U2AF2: variants seen among roughly 807,000 people sequenced by gnomAD.
The protein encoded by U2AF2 is U2 small nuclear RNA auxiliary factor 2, also known as splicing factor U2AF 65 kDa subunit.
Under a neutral mutation model 52.6 loss-of-function variants are expected in U2AF2, and 6 were observed. That is an observed-to-expected ratio of 0.11 (90% confidence interval 0.06 to 0.23). The LOEUF is 0.23. Ranked by LOEUF, U2AF2 falls within the 10% of genes least tolerant of loss-of-function variation. The pLI is 1.00. For missense variants in U2AF2, 222 were observed against 677.1 expected (o/e 0.33, Z 7.46); for synonymous variants, 284 against 258.2 (o/e 1.10, Z -0.96).
At chr19:55,669,784 C>G in intron 11 of U2AF2, 92 bp downstream of exon 11, 1 of 1,456,832 alleles carries the variant, frequency 6.9e-7, no homozygotes. Context: ...TCACCCTCTC[C>G]CCCTCCTCTT....
At chr19:55,673,099 G>T (rs1457573048) in intron 11 of U2AF2, among the ~76,000 whole-genome samples, 1 of 151,534 alleles carries the variant, frequency 6.6e-6, no homozygotes, top group Non-Finnish European at 1.5e-5. Flanking sequence ...TTGTATTTTT[G>T]GTAGAGATGG....
rs541411274 is a variant in U2AF2, at chr19:55,668,176, C to T, written c.743-331C>T. 3.9e-5 allele frequency among the ~76,000 whole-genome samples: 6 copies of T among 152,224 alleles called. No individual in the cohort carries two copies. In the East Asian group the frequency reaches 1.2e-3, roughly 29 times the overall value. On this transcript the variant is annotated intron_variant, in intron 7 of 11. Transcript: ENST00000308924. The surrounding 1 kb of genome is among the most constrained non-coding windows in gnomAD (Gnocchi z 5.5). Reference sequence around the variant, plus strand: ...CCAGTAGGTCCCGAGCCCAGGTGACCTGCCAGCATTCCACAGCAGCAGGTA... The same window carrying T: ...CCAGTAGGTCCCGAGCCCAGGTGACTTGCCAGCATTCCACAGCAGCAGGTA...
intron 2 of U2AF2, 98 bp from the exon 3 acceptor site, chr19:55,660,079 C>T (rs558568211): frequency 2.6e-5 from 32 of 1,232,108 alleles, no homozygotes; most frequent in African/African-American, 2.6e-4. Context: ...CGGCCCTGCT[C>T]CCACCCTGGG....
chr19:55,674,150 G>T lies in U2AF2; in HGVS notation c.*82G>T, dbSNP rs918152670. 2 of 1,380,442 alleles carry T rather than the reference G, an allele frequency of 1.4e-6. No individual in the cohort carries two copies. The highest frequency in any genetic ancestry group is 1.9e-6 in the Non-Finnish European group (2 of 1,051,990). 85.5% of individuals were successfully genotyped at this position (1,380,442 alleles called of 1,614,324 possible). A position where few individuals can be genotyped will look rare whatever the true frequency, so the allele number is the denominator to read the frequency against. ...CCCCCCCTTATCCCCCTCTGAAGAC[G>T]ATGGGCAGAGGAGTGACAGCCGCAG... On this transcript the variant is annotated 3_prime_UTR_variant, in exon 12 of 12. Coordinates refer to ENST00000308924, the MANE Select transcript of U2AF2 (RefSeq NM_007279.3).
rs1327322503 is a variant in U2AF2 at position 55,668,871 on chromosome 19, T to A, written c.945+79T>A. The A allele has an allele frequency of 6.4e-7, 1 of 1,557,732 alleles. No homozygotes were observed. The stretch of plus-strand genomic sequence containing the variant: ...GTTGCCAAGCCATGGTCTCCCCTCC[T>A]CAGGGGACGGGGCGGGAGGCGGCCA... On this transcript the variant is annotated intron_variant, in intron 9 of 11. Coordinates refer to ENST00000308924, the MANE Select transcript of U2AF2 (RefSeq NM_007279.3). The surrounding 1 kb of genome is among the most constrained non-coding windows in gnomAD (Gnocchi z 5.5).
chr19:55,664,113 G>T (rs545665931), intron 7 of U2AF2: 2 of 211,612 alleles, frequency 9.5e-6, no homozygotes, highest in South Asian at 9.9e-5. Flanking sequence ...GTCGACGGTT[G>T]GCAGCAAAGC....
At chr19:55,662,160 T>C in intron 5 of U2AF2, 1 of 205,714 alleles carries the variant, frequency 4.9e-6, no homozygotes, top group South Asian at 1.1e-4. Flanking sequence ...TTCGTGTTTT[T>C]CTTCATTTTG....
chr19:55,666,186 C>T (rs1984539929), intron 7 of U2AF2, among the ~76,000 whole-genome samples: 1 of 152,230 alleles, frequency 6.6e-6, no homozygotes, highest in Non-Finnish European at 1.5e-5. Context: ...CAGGCGCCCC[C>T]TGCACCAAGA....
intron 7 of U2AF2, among the ~76,000 whole-genome samples, chr19:55,666,631 G>A (rs1410192668): frequency 6.6e-6 from 1 of 152,248 alleles, no homozygotes; most frequent in African/African-American, 2.4e-5. Flanking sequence ...TGGCTCACAC[G>A]ATGGGCACCA....
chr19:55,655,196 T>C (rs779156600), intron 1 of U2AF2, 43 bp downstream of exon 1: 2 of 1,578,734 alleles, frequency 1.3e-6, no homozygotes, highest in Non-Finnish European at 1.7e-6. Context: ...GGGCGGCTCC[T>C]CGCGTCGCTC....
rs1472293043 is a variant in U2AF2, at chr19:55,657,253, T to C, written c.50-1957T>C. Reference sequence around the variant, plus strand: ...CTCCCATAAGATGACCACAATACAGTGTTTTGAGCAAACGAAGCTCTCATT... The same window carrying C: ...CTCCCATAAGATGACCACAATACAGCGTTTTGAGCAAACGAAGCTCTCATT... On this transcript the variant is annotated intron_variant, in intron 1 of 11. Coordinates refer to ENST00000308924, the MANE Select transcript of U2AF2 (RefSeq NM_007279.3). 2.0e-5 allele frequency among the ~76,000 whole-genome samples: 3 copies of C among 152,212 alleles called. No individual in the cohort carries two copies. The South Asian group carries it at 6.2e-4, about 31-fold the overall frequency.
In U2AF2 at chr19:55,668,929, C is replaced by A; in HGVS notation, c.945+137C>A. The A allele has an allele frequency of 1.3e-6, 2 of 1,508,812 alleles. No individual in the cohort carries two copies. The highest frequency in any genetic ancestry group is 8.9e-7 in the Non-Finnish European group (1 of 1,120,442). The allele number at this position is 1,508,812 out of a possible 1,614,324, so 93.5% of individuals were successfully genotyped here. ...GCAGTGCCCTGTGTGTGGGCTCGTC[C>A]CTGTCCCATGGCGTTGGCTTTTTCC... On this transcript the variant is annotated intron_variant, in intron 9 of 11. Coordinates refer to ENST00000308924, the MANE Select transcript of U2AF2 (RefSeq NM_007279.3). The surrounding 1 kb of genome is among the most constrained non-coding windows in gnomAD (Gnocchi z 5.5).
rs1031103678 is a variant in U2AF2, at chr19:55,669,008, G to A, written c.946-75G>A. Reference sequence around the variant, plus strand: ...CTTCCCCCACCAATGCCCCGGCTTGGGGGTAGGTGTCGGGCTCCTGGTCCC... The same window carrying A: ...CTTCCCCCACCAATGCCCCGGCTTGAGGGTAGGTGTCGGGCTCCTGGTCCC... On this transcript the variant is annotated intron_variant, in intron 9 of 11. Transcript: ENST00000308924. 1.2e-5 allele frequency: 18 copies of A among 1,549,592 alleles called. No homozygotes were observed. In the African/African-American group the frequency reaches 1.8e-4, roughly 15 times the overall value.
chr19:55,659,293 G>A lies in U2AF2; in HGVS notation c.133G>A (p.Asp45Asn), dbSNP rs11558805. Residue 45 changes from aspartate (D) to asparagine (N), a missense_variant, in exon 2 of 12, where the codon GAC becomes AAC. Asp to Asn is a conservative substitution (Grantham distance 23, BLOSUM62 1). Transcript: ENST00000308924. ...CCGCAAACGCCGGAGCCGGAGCCGC[G>A]ACCGGCGCAACCGGGACCAGCGGAG... ...RDRKRRSRSR[D>N]RRNRDQRSAS... 5 of 1,597,982 alleles carry A rather than the reference G, an allele frequency of 3.1e-6. No homozygotes were observed. The highest frequency in any genetic ancestry group is 4.3e-6 in the Non-Finnish European group (5 of 1,171,622).
At chr19:55,657,525 T>C (rs768467253) in intron 1 of U2AF2, among the ~76,000 whole-genome samples, 1 of 152,192 alleles carries the variant, frequency 6.6e-6, no homozygotes, top group Non-Finnish European at 1.5e-5. Context: ...CTTGCCTGTT[T>C]CAGAGCCTTA....
chr19:55,660,499 C>CCA lies in U2AF2; in HGVS notation c.231-16_231-15insAC. On this transcript the variant is annotated splice_polypyrimidine_tract_variant and intron_variant, in intron 3 of 11. Transcript: ENST00000308924. ...CTGAGGTTGCCCTGCCCCGCTCTCC[C>CCA]CTCCCACCTCCCCCAGTCGTTCCCC... is the stretch of plus-strand genomic sequence containing the variant. 1 of 933,772 alleles carries CCA rather than the reference C, an allele frequency of 1.1e-6. No homozygotes were observed. Among genetic ancestry groups the CCA allele is most frequent in the Non-Finnish European group, 1.7e-6 (1 of 585,062 alleles). 57.8% of individuals were successfully genotyped at this position (933,772 alleles called of 1,614,324 possible).
intron 11 of U2AF2, among the ~76,000 whole-genome samples, chr19:55,671,031 G>T (rs553015338): frequency 6.6e-6 from 1 of 152,202 alleles, no homozygotes; most frequent in Non-Finnish European, 1.5e-5. Flanking sequence ...CAGATCGGGC[G>T]TGGGGGCCTT....
In U2AF2 at chr19:55,661,081, C is replaced by T; in HGVS notation, c.378C>T (p.Thr126=). 6.2e-7 allele frequency: 1 copy of T among 1,609,484 alleles called. No homozygotes were observed. Among genetic ancestry groups the T allele is most frequent in the South Asian group, 1.1e-5 (1 of 90,892 alleles). The change falls in exon 5 of 12, where the codon ACC becomes ACT. Residue 126 remains threonine, a synonymous_variant. Transcript: ENST00000308924. The part of the protein sequence containing the change: ...IPATALLPTM[T]PDGLAVTPTP... ...CCACTGCTCTTCTCCCCACCATGAC[C>T]CCTGACGGTCTGGCTGTGACCCCAA... is the stretch of plus-strand genomic sequence containing the variant.
At chr19:55,663,509 A>G (rs780462415) in intron 6 of U2AF2, 97 bp from the exon 7 acceptor site, 99 of 1,519,346 alleles carry the variant, frequency 6.5e-5, no homozygotes, top group Non-Finnish European at 8.5e-5. Flanking sequence ...ATTTGTTCAC[A>G]TGAGTGAAAG....
Sources: gnomAD v4.1 joint callset for allele counts (sites outside exome capture counted in the v4.1 genomes callset) on GRCh38, gnomAD v4.1.1 for gene constraint, Gnocchi (gnomAD v3.1) non-coding constraint, MANE v1.5 for transcripts, NCBI Gene and HGNC (gene_info 2026-07-23, HGNC 2026-07-21) for gene names.